Variants in OVCH1 observed in about 807,000 individuals in gnomAD.
OVCH1 encodes ovochymase 1.
In OVCH1, 139 loss-of-function variants were observed where a neutral mutation model predicts 138.4. That is an observed-to-expected ratio of 1.00 (90% CI 0.87 to 1.16). The LOEUF is 1.16. OVCH1 is among the 50% of genes most tolerant of loss of function. The probability of loss-of-function intolerance (pLI) is 0.00; values close to 1 mark genes in which losing one functional copy is unlikely to be tolerated. For synonymous variants in OVCH1, 453 were observed against 467.8 expected (o/e 0.97, Z 0.41); for missense variants, 1,367 against 1,357.9 (o/e 1.01, Z -0.11).
intron 19 of OVCH1, among the ~76,000 whole-genome samples, chr12:29,459,681 T>C (rs1222019949): frequency 6.6e-6 from 1 of 151,182 alleles, no homozygotes; most frequent in Non-Finnish European, 1.5e-5. Flanking sequence ...GTGATGTGTA[T>C]ACCCAATTTA....
intron 19 of OVCH1, among the ~76,000 whole-genome samples, chr12:29,460,105 A>AG (rs1942080337): frequency 6.6e-6 from 1 of 152,202 alleles, no homozygotes; most frequent in Non-Finnish European, 1.5e-5. Context: ...ATATATGGGC[A>AG]GTACATTTGG....
At chr12:29,491,141 G>C in exon 5 of OVCH1, 10 of 1,613,674 alleles carry the variant, frequency 6.2e-6, no homozygotes, top group Non-Finnish European at 7.6e-6. Flanking sequence ...AAGAATTCCT[G>C]GTTCAACTTT....
At chr12:29,475,923 T>TA (rs2136026089) in intron 13 of OVCH1, among the ~76,000 whole-genome samples, 1 of 152,328 alleles carries the variant, frequency 6.6e-6, no homozygotes, top group African/African-American at 2.4e-5. Flanking sequence ...CAGGAAGCTG[T>TA]AAAATTTACC....
intron 27 of OVCH1, chr12:29,430,847 A>G (rs1311812007): frequency 1.9e-6 from 1 of 515,592 alleles, no homozygotes; most frequent in Non-Finnish European, 3.9e-6. Context: ...TGATCAGTTC[A>G]AATTGTTACA....
At chr12:29,435,515 C>T (rs7312776) in intron 26 of OVCH1, among the ~76,000 whole-genome samples, 6,251 of 152,060 alleles carry the variant, frequency 0.041, 167 homozygotes, top group East Asian at 0.068. Flanking sequence ...TACAGGCGCC[C>T]GCCTAATTTT....
Position 29,472,941 on chromosome 12 carries a change from C to T in OVCH1, c.1675+88G>A, listed in dbSNP as rs376516579. 7.0e-6 allele frequency: 8 copies of T among 1,136,414 alleles called. No individual in the cohort carries two copies. The East Asian group carries it at 1.5e-4, about 22-fold the overall frequency. The allele number at this position is 1,136,414 out of a possible 1,614,324, so 70.4% of individuals were successfully genotyped here. On this transcript the variant is annotated intron_variant, in intron 15 of 27. Coordinates refer to ENST00000318184, the Ensembl canonical transcript of OVCH1. ...ATTCTTCTTCACTGTGGAGTTATAG[C>T]CAATGTAAGATAAGGGCTTCCAAAA...
chr12:29,431,481 A>G (rs980599618), intron 27 of OVCH1, among the ~76,000 whole-genome samples: 1 of 152,108 alleles, frequency 6.6e-6, no homozygotes, highest in Non-Finnish European at 1.5e-5. Context: ...ACCAATATTC[A>G]TGTTTTAATG....
intron 26 of OVCH1, among the ~76,000 whole-genome samples, chr12:29,435,697 A>C (rs1354288219): frequency 6.6e-6 from 1 of 151,982 alleles, no homozygotes; most frequent in Admixed American, 6.6e-5. Context: ...AGTTTCCTTC[A>C]ACCTCCCACT....
intron 22 of OVCH1, among the ~76,000 whole-genome samples, chr12:29,448,668 A>C (rs1190598305): frequency 6.6e-6 from 1 of 152,072 alleles, no homozygotes; most frequent in Non-Finnish European, 1.5e-5. Context: ...TCTAGGGGGA[A>C]AATGTGCCAA....
chr12:29,467,398 C>G (rs1942358284), intron 16 of OVCH1, among the ~76,000 whole-genome samples: 1 of 152,130 alleles, frequency 6.6e-6, no homozygotes, highest in Non-Finnish European at 1.5e-5. Context: ...GCCACATGCA[C>G]TTTATGATAC....
chr12:29,442,641 AT>A (rs1190038591), intron 25 of OVCH1, among the ~76,000 whole-genome samples: 2 of 151,474 alleles, frequency 1.3e-5, no homozygotes, highest in Admixed American at 6.6e-5. Context: ...ATAAAAAAAA[AT>A]AAAAAAAAGA....
At chr12:29,492,320 T>A (rs7139327) in intron 4 of OVCH1, among the ~76,000 whole-genome samples, 88,468 of 150,924 alleles carry the variant, frequency 0.59, 26,353 homozygotes, top group East Asian at 0.74. Flanking sequence ...CAGATTAAGT[T>A]AGTTTCATAA....
intron 21 of OVCH1, among the ~76,000 whole-genome samples, chr12:29,452,813 T>C (rs1440085983): frequency 6.6e-6 from 1 of 152,186 alleles, no homozygotes; most frequent in Non-Finnish European, 1.5e-5. Flanking sequence ...AAAAAGTTAG[T>C]AGCGGGAGTG....
chr12:29,441,516 C>A (rs1941484436), intron 25 of OVCH1, among the ~76,000 whole-genome samples: 1 of 152,126 alleles, frequency 6.6e-6, no homozygotes, highest in Admixed American at 6.5e-5. Flanking sequence ...CCATAAAAAA[C>A]CCTAGAACAA....
chr12:29,427,564 G>A, downstream of OVCH1: 3 of 1,551,372 alleles, frequency 1.9e-6, no homozygotes, highest in South Asian at 1.2e-5. Context: ...GTGAGAATGG[G>A]CTGTGCCTAA....
chr12:29,411,211 A>G (rs1940950887), downstream of OVCH1, among the ~76,000 whole-genome samples: 2 of 113,618 alleles, frequency 1.8e-5, no homozygotes, highest in South Asian at 5.6e-4. Flanking sequence ...ATTCGTCTAA[A>G]TTTTTTTCAA....
chr12:29,417,514 A>C (rs191717320), intron 3 of OVCH1, among the ~76,000 whole-genome samples: 38 of 150,024 alleles, frequency 2.5e-4, no homozygotes, highest in African/African-American at 9.0e-4. Context: ...GGGGTGATTG[A>C]TAGAAATGTT....
intron 19 of OVCH1, among the ~76,000 whole-genome samples, chr12:29,457,550 C>T (rs376330613): frequency 2.6e-5 from 4 of 151,240 alleles, no homozygotes; most frequent in South Asian, 2.1e-4. Context: ...ACTACAGACG[C>T]GCACCGTCAA....
At chr12:29,469,957 C>T (rs1349010479) in intron 16 of OVCH1, among the ~76,000 whole-genome samples, 1 of 152,108 alleles carries the variant, frequency 6.6e-6, no homozygotes, top group Non-Finnish European at 1.5e-5. Context: ...AATATCAATG[C>T]CCCAGAACCT....
Sources: gnomAD v4.1 joint callset for allele counts (sites outside exome capture counted in the v4.1 genomes callset) on GRCh38, gnomAD v4.1.1 for gene constraint, MANE v1.5 for transcripts, NCBI Gene and HGNC (gene_info 2026-07-23, HGNC 2026-07-21) for gene names.